OTOS: variants seen among roughly 807,000 people sequenced by gnomAD.
OTOS encodes otospiralin.
In OTOS, 14 loss-of-function variants were observed where a neutral mutation model predicts 12.5. The observed-to-expected ratio is 1.12, with a 90% CI of 0.74 to 1.76. The LOEUF (loss-of-function observed/expected upper bound fraction) is 1.76. Ranked by LOEUF, OTOS falls within the 40% of genes most tolerant of loss-of-function variation. OTOS has a pLI of 0.00. For missense variants in OTOS, 141 were observed against 112.8 expected (o/e 1.25, Z -1.13); for synonymous variants, 49 against 47.6 (o/e 1.03, Z -0.12).
rs2072046320 is a variant in OTOS at position 240,140,411 on chromosome 2, C to T, written c.-85G>A. The T allele has an allele frequency of 1.4e-6, 2 of 1,408,122 alleles. No homozygotes were observed. The highest frequency in any genetic ancestry group is 4.7e-5 in the Admixed American group (2 of 42,654). 87.2% of individuals were successfully genotyped at this position (1,408,122 alleles called of 1,614,324 possible). A position where few individuals can be genotyped will look rare whatever the true frequency, so the allele number is the denominator to read the frequency against. ...GGGCGAGACCACCCATCCGTCAGGG[C>T]CGGCTTCCTCTACCAGTCCCAGTGT... is the stretch of plus-strand genomic sequence containing the variant. On this transcript the variant is annotated 5_prime_UTR_variant, in exon 2 of 4. Coordinates refer to ENST00000319460, the MANE Select transcript of OTOS (RefSeq NM_148961.4).
intron 2 of OTOS, 86 bp from the exon 3 acceptor site, chr2:240,140,174 G>C (rs10190781): frequency 1.9e-6 from 3 of 1,597,940 alleles, no homozygotes; most frequent in Non-Finnish European, 2.6e-6. Context: ...GGGCTCTAAG[G>C]TTTCCTAGCA....
chr2:240,140,277 G>A lies in OTOS; in HGVS notation c.50C>T (p.Pro17Leu). The A allele has an allele frequency of 1.9e-6, 3 of 1,595,236 alleles. No individual in the cohort carries two copies. Among genetic ancestry groups the A allele is most frequent in the Non-Finnish European group, 2.6e-6 (3 of 1,170,788 alleles). Residue 17 changes from proline (P) to leucine (L), a missense_variant, in exon 2 of 4, where the codon CCT becomes CTT. Physicochemically the swap from Pro to Leu is moderately conservative, Grantham distance 98. Transcript: ENST00000319460. ...CCAGAGCGGCCCCTCACCTGCAAGA[G>A]GCCCCAGTAGGAGGCAGAGGGCCAG... is the stretch of plus-strand genomic sequence containing the variant. ...PGLALCLLLG[P>L]LAGAKPVQEE...
chr2:240,140,545 C>T, intron 1 of OTOS, 75 bp downstream of exon 1: 1 of 564,638 alleles, frequency 1.8e-6, no homozygotes, highest in South Asian at 2.4e-5. Context: ...GAAATCCCTG[C>T]CTCAATTGGC....
intron 3 of OTOS, 122 bp downstream of exon 3, chr2:240,139,940 G>T: frequency 8.5e-7 from 1 of 1,171,822 alleles, no homozygotes; most frequent in Non-Finnish European, 1.2e-6. Flanking sequence ...TTGGGCCTGA[G>T]CTGAGCCAGG....
chr2:240,140,636 C>G lies in OTOS; in HGVS notation c.-135G>C, dbSNP rs2072048892. ...AGAGCTTACCTTGTCTCTGCTCAGC[C>G]AGCCGTGCTGCCTGGATGGGCTCTG... On this transcript the variant is annotated 5_prime_UTR_variant, in exon 1 of 4. Coordinates refer to ENST00000319460, the MANE Select transcript of OTOS (RefSeq NM_148961.4). The G allele has an allele frequency of 2.7e-6, 1 of 373,288 alleles. No individual in the cohort carries two copies. The highest frequency in any genetic ancestry group is 4.3e-5 in the Admixed American group (1 of 23,230). 23.1% of individuals were successfully genotyped at this position (373,288 alleles called of 1,614,324 possible). A position where few individuals can be genotyped will look rare whatever the true frequency, so the allele number is the denominator to read the frequency against.
Position 240,139,344 on chromosome 2 carries a change from C to T in OTOS, c.96G>A (p.Ala32=), listed in dbSNP as rs374520622. 2.2e-5 allele frequency: 36 copies of T among 1,612,790 alleles called. No homozygotes were observed. Among genetic ancestry groups the T allele is most frequent in the South Asian group, 4.4e-5 (4 of 90,966 alleles). ...GCCAGTAGGGCATGGCCGGCAGCTC[C>T]GCGTAAGGGTCTGAAAGACACAAGA... ...KPVQEEGDPY[A]ELPAMPYWPF... The change falls in exon 4 of 4, where the codon GCG becomes GCA. Residue 32 remains alanine, a synonymous_variant. Transcript: ENST00000319460.
Position 240,139,296 on chromosome 2 carries a change from C to T in OTOS, c.144G>A (p.Trp48Ter). The change falls in exon 4 of 4, where the codon TGG becomes TGA. Residue 48 changes from tryptophan to a stop codon, truncating the protein, a stop_gained. Coordinates refer to ENST00000319460, the MANE Select transcript of OTOS (RefSeq NM_148961.4). LOFTEE classifies it high-confidence loss of function. ...GGGCCTGGAAGTGCTGCACATAGTT[C>T]CAGAAGTCAGAGGTGGAGAAAGGCC... is the stretch of plus-strand genomic sequence containing the variant. ...PYWPFSTSDFWNYVQHFQALG... is the reference protein window; with the variant it reads ...PYWPFSTSDF The T allele has an allele frequency of 1.9e-6, 3 of 1,614,152 alleles. No individual in the cohort carries two copies. The highest frequency in any genetic ancestry group is 2.5e-6 in the Non-Finnish European group (3 of 1,180,012).
In OTOS at chr2:240,140,022, T is replaced by G. The variant is rs921200244; in HGVS notation, c.85+40A>C. On this transcript the variant is annotated intron_variant, in intron 3 of 3. Transcript: ENST00000319460. ...CAGTTTCTCCCCGCTGCATACCAGT[T>G]ACTTATGCAAATGAAAGGAAAGAAA... is the stretch of plus-strand genomic sequence containing the variant. 5 of 1,607,458 alleles carry G rather than the reference T, an allele frequency of 3.1e-6. No individual in the cohort carries two copies. The African/African-American group carries it at 6.7e-5, about 22-fold the overall frequency.
Position 240,139,325 on chromosome 2 carries a change from A to G in OTOS, c.115T>C (p.Tyr39His), listed in dbSNP as rs2072032074. Reference sequence around the variant, plus strand: ...AAGTCAGAGGTGGAGAAAGGCCAGTAGGGCATGGCCGGCAGCTCCGCGTAA... The same window carrying G: ...AAGTCAGAGGTGGAGAAAGGCCAGTGGGGCATGGCCGGCAGCTCCGCGTAA... ...DPYAELPAMP[Y>H]WPFSTSDFWN... Residue 39 changes from tyrosine (Y) to histidine (H), a missense_variant, in exon 4 of 4, where the codon TAC (tyrosine) becomes CAC (histidine). Transcript: ENST00000319460. 1 of 1,613,860 alleles carries G rather than the reference A, an allele frequency of 6.2e-7. No homozygotes were observed. The highest frequency in any genetic ancestry group is 1.3e-5 in the African/African-American group (1 of 74,950).
At chr2:240,139,529 G>A (rs956987010) in intron 3 of OTOS, among the ~76,000 whole-genome samples, 175 bp from the exon 4 acceptor site, 1 of 147,912 alleles carries the variant, frequency 6.8e-6, no homozygotes, top group Non-Finnish European at 1.5e-5. Context: ...ATATCTGGTC[G>A]GGGAGACAGA....
Position 240,139,267 on chromosome 2 carries a change from C to T in OTOS, c.173G>A (p.Gly58Glu). The stretch of plus-strand genomic sequence containing the variant: ...CATGTCCTCGATCTGGGGGTAGGCC[C>T]CCAGGGCCTGGAAGTGCTGCACATA... ...WNYVQHFQAL[G>E]AYPQIEDMAR... The change falls in exon 4 of 4, where the codon GGG (glycine) becomes GAG (glutamate). Residue 58 changes from glycine (G) to glutamate (E), a missense_variant. Coordinates refer to ENST00000319460, the MANE Select transcript of OTOS (RefSeq NM_148961.4). 1 of 1,614,166 alleles carries T rather than the reference C, an allele frequency of 6.2e-7. No homozygotes were observed. Among genetic ancestry groups the T allele is most frequent in the Non-Finnish European group, 8.5e-7 (1 of 1,180,020 alleles).
At chr2:240,139,549 A>G (rs1479565394) in intron 3 of OTOS, among the ~76,000 whole-genome samples, 195 bp from the exon 4 acceptor site, 1 of 147,644 alleles carries the variant, frequency 6.8e-6, no homozygotes, top group Non-Finnish European at 1.5e-5. Context: ...AGGAAGAAGA[A>G]GAAGGGGAAG....
chr2:240,139,937 T>C, intron 3 of OTOS, 125 bp downstream of exon 3: 2 of 1,130,988 alleles, frequency 1.8e-6, no homozygotes, highest in African/African-American at 1.6e-5. Context: ...TGCTTGGGCC[T>C]GAGCTGAGCC....
Position 240,140,062 on chromosome 2 carries a change from C to A in OTOS, c.85G>T (p.Asp29Tyr), listed in dbSNP as rs370161736. The A allele has an allele frequency of 6.2e-7, 1 of 1,613,350 alleles. No individual in the cohort carries two copies. Among genetic ancestry groups the A allele is most frequent in the Admixed American group, 1.7e-5 (1 of 59,826 alleles). The change falls in exon 3 of 4, where the codon GAC becomes TAC. Residue 29 changes from aspartate (D) to tyrosine (Y), a missense_variant and splice_region_variant. Transcript: ENST00000319460. The stretch of plus-strand genomic sequence containing the variant: ...AAGGAAAGAAATTGGAGAACGGTAC[C>A]TCCTTCCTCCTGCACAGGCTTGGCC... ...AGAKPVQEEG[D>Y]PYAELPAMPY...
chr2:240,139,268 C>T lies in OTOS; in HGVS notation c.172G>A (p.Gly58Arg). Residue 58 changes from glycine to arginine, a missense_variant, in exon 4 of 4, where the codon GGG becomes AGG. Physicochemically the swap from Gly to Arg is moderately radical, Grantham distance 125. Coordinates refer to ENST00000319460, the MANE Select transcript of OTOS (RefSeq NM_148961.4). ...ATGTCCTCGATCTGGGGGTAGGCCC[C>T]CAGGGCCTGGAAGTGCTGCACATAG... The part of the protein sequence containing the change: ...WNYVQHFQAL[G>R]AYPQIEDMAR... 6.2e-7 allele frequency: 1 copy of T among 1,614,164 alleles called. No homozygotes were observed. Among genetic ancestry groups the T allele is most frequent in the Admixed American group, 1.7e-5 (1 of 60,032 alleles).
In OTOS at chr2:240,139,263, G is replaced by A. The variant is rs769811199; in HGVS notation, c.177C>T (p.Ala59=). ...GGGCCATGTCCTCGATCTGGGGGTA[G>A]GCCCCCAGGGCCTGGAAGTGCTGCA... is the stretch of plus-strand genomic sequence containing the variant. ...NYVQHFQALG[A]YPQIEDMART... Residue 59 remains alanine, a synonymous_variant, in exon 4 of 4, where the codon GCC becomes GCT. Coordinates refer to ENST00000319460, the MANE Select transcript of OTOS (RefSeq NM_148961.4). 1 of 1,614,184 alleles carries A rather than the reference G, an allele frequency of 6.2e-7. No individual in the cohort carries two copies. Among genetic ancestry groups the A allele is most frequent in the Non-Finnish European group, 8.5e-7 (1 of 1,180,006 alleles).
rs1034371117 is a variant in OTOS at position 240,139,915 on chromosome 2, C to T, written c.85+147G>A. 7 of 896,632 alleles carry T rather than the reference C, an allele frequency of 7.8e-6. No homozygotes were observed. In the African/African-American group the frequency reaches 1.0e-4, roughly 13 times the overall value. The allele number at this position is 896,632 out of a possible 1,614,324, so 55.5% of individuals were successfully genotyped here. A position where few individuals can be genotyped will look rare whatever the true frequency, so the allele number is the denominator to read the frequency against. ...ACAGCTCCAAGCTGGCTCTCAAGGG[C>T]CATGTTTTCCATGCTTGGGCCTGAG... On this transcript the variant is annotated intron_variant, in intron 3 of 3. Coordinates refer to ENST00000319460, the MANE Select transcript of OTOS (RefSeq NM_148961.4).
Position 240,139,101 on chromosome 2 carries a change from A to G in OTOS, c.*69T>C, listed in dbSNP as rs548509425. On this transcript the variant is annotated 3_prime_UTR_variant, in exon 4 of 4. Coordinates refer to ENST00000319460, the MANE Select transcript of OTOS (RefSeq NM_148961.4). ...CTGCAGGGGCCAGGTTTTTGCGGGG[A>G]CTCCATGCCTGTGGAGGCCCGACCG... 8.6e-6 allele frequency: 13 copies of G among 1,516,016 alleles called. No individual in the cohort carries two copies. In the South Asian group the frequency reaches 1.4e-4, roughly 16 times the overall value. 93.9% of individuals were successfully genotyped at this position (1,516,016 alleles called of 1,614,324 possible).
At position 240,140,080 on chromosome 2, in the gene OTOS, G is replaced by A. The variant is rs761167002; in HGVS notation, c.67C>T (p.Pro23Ser). The A allele has an allele frequency of 3.1e-6, 5 of 1,613,398 alleles. No homozygotes were observed. In the Admixed American group the frequency reaches 8.4e-5, roughly 27 times the overall value. ...LLLGPLAGAK[P>S]VQEEGDPYAE... ...ACGGTACCTCCTTCCTCCTGCACAGGCTTGGCCCCTGCAAAGGAAGAGAAG... is the reference window on the plus strand; with the variant it reads ...ACGGTACCTCCTTCCTCCTGCACAGACTTGGCCCCTGCAAAGGAAGAGAAG... The change falls in exon 3 of 4, where the codon CCT (proline) becomes TCT (serine). Residue 23 changes from proline (P) to serine (S), a missense_variant. Pro to Ser is a moderately conservative substitution (Grantham distance 74). Transcript: ENST00000319460.
Sources: gnomAD v4.1 joint callset for allele counts (sites outside exome capture counted in the v4.1 genomes callset) on GRCh38, gnomAD v4.1.1 for gene constraint, MANE v1.5 for transcripts, NCBI Gene and HGNC (gene_info 2026-07-23, HGNC 2026-07-21) for gene names.